Variants in MTERF4 observed in about 807,000 individuals in gnomAD.
The protein encoded by MTERF4 is transcription termination factor 4, mitochondrial.
Under a neutral mutation model 22.5 loss-of-function variants are expected in MTERF4, and 17 were observed. The observed-to-expected ratio is 0.75, with a 90% CI of 0.52 to 1.13. The LOEUF (loss-of-function observed/expected upper bound fraction) is 1.13. Ranked by LOEUF, MTERF4 falls within the 50% of genes most tolerant of loss-of-function variation. The pLI is 0.00. For missense variants in MTERF4, 420 were observed against 466.8 expected, an observed-to-expected ratio of 0.90 and a Z score of 0.92; for synonymous variants, 165 against 175.3, an observed-to-expected ratio of 0.94 and a Z score of 0.47.
At chr2:241,083,139 G>A (rs186460132), downstream of MTERF4, among the ~76,000 whole-genome samples, 40 of 152,346 alleles carry the variant, frequency 2.6e-4, 1 homozygote, top group African/African-American at 7.7e-4. Context: ...ATGACAGGAC[G>A]AGACCAGGAG....
the MTERF4 span, chr2:241,050,188 G>A: frequency 1.8e-6 from 1 of 551,358 alleles, no homozygotes. Flanking sequence ...TGCCTGCTCA[G>A]CATTTTTCCA....
chr2:241,044,804 T>C, the MTERF4 span, among the ~76,000 whole-genome samples: 2 of 152,184 alleles, frequency 1.3e-5, no homozygotes, highest in Non-Finnish European at 2.9e-5. Context: ...TTTTTCCCTT[T>C]GTCTGTCATC....
At chr2:241,067,616 C>G (rs774794428), downstream of MTERF4, 16 of 604,660 alleles carry the variant, frequency 2.6e-5, no homozygotes, top group East Asian at 4.5e-4. Context: ...CCACTCAGCC[C>G]GAGTTCCCTG....
At chr2:241,081,106 G>C (rs1238120895) in intron 4 of MTERF4, among the ~76,000 whole-genome samples, 5 of 152,234 alleles carry the variant, frequency 3.3e-5, no homozygotes, top group Non-Finnish European at 7.3e-5. Context: ...CACATCACAG[G>C]CCGCCTGGGC....
At chr2:241,070,128 C>T (rs779021075), downstream of MTERF4, 2 of 1,612,356 alleles carry the variant, frequency 1.2e-6, no homozygotes, top group Non-Finnish European at 1.7e-6. Flanking sequence ...GGTACCAGCT[C>T]TCTGTGATAG....
chr2:241,069,286 C>T (rs373404861), downstream of MTERF4, among the ~76,000 whole-genome samples: 3 of 152,280 alleles, frequency 2.0e-5, no homozygotes, highest in South Asian at 2.1e-4. This position sits in a 1 kb window ranked among gnomAD's most constrained non-coding sequence, Gnocchi z 4.9. Context: ...TACTGGACAC[C>T]GACCAGAGGG....
At chr2:241,050,408 G>A in the MTERF4 span, among the ~76,000 whole-genome samples, 1 of 152,066 alleles carries the variant, frequency 6.6e-6, no homozygotes, top group Non-Finnish European at 1.5e-5. Context: ...GCAACAGTCA[G>A]GACTCCCATC....
chr2:241,063,279 G>A, the MTERF4 span: 2,663 of 494,314 alleles, frequency 5.4e-3, 13 homozygotes, highest in Non-Finnish European at 7.0e-3. Flanking sequence ...CCTGAGAAAC[G>A]CAGGCTCCAG....
chr2:241,096,981 T>C lies in MTERF4; in HGVS notation c.705+262A>G, dbSNP rs903033936. On this transcript the variant is annotated intron_variant, in intron 3 of 3. Transcript: ENST00000391980. The surrounding 1 kb of genome is among the most constrained non-coding windows in gnomAD (Gnocchi z 5.1). ...AATGGCAGAAAAGTTGAAGAATAGGTTTGATCTGTAGTAAAGAAATTAAAG... is the reference window on the plus strand; with the variant it reads ...AATGGCAGAAAAGTTGAAGAATAGGCTTGATCTGTAGTAAAGAAATTAAAG... The C allele has an allele frequency of 1.7e-6, 1 of 590,896 alleles. No homozygotes were observed. The allele number at this position is 590,896 out of a possible 1,614,324, so 36.6% of individuals were successfully genotyped here. A position where few individuals can be genotyped will look rare whatever the true frequency, so the allele number is the denominator to read the frequency against.
chr2:241,101,273 G>GGAGC, intron 1 of MTERF4: 1 of 439,750 alleles, frequency 2.3e-6, no homozygotes, highest in East Asian at 7.3e-5. Context: ...ATTCTCATAA[G>GGAGC]GAGCGCAACC....
At chr2:241,087,371 A>G, downstream of MTERF4, 1 of 1,577,394 alleles carries the variant, frequency 6.3e-7, no homozygotes, top group Non-Finnish European at 8.6e-7. Context: ...CTGGTTTTAC[A>G]AAGCTTTCTT....
the MTERF4 span, among the ~76,000 whole-genome samples, chr2:241,042,642 G>A: frequency 6.6e-6 from 1 of 151,800 alleles, no homozygotes. Context: ...AATCAAGATT[G>A]TTGAGGGGAA....
downstream of MTERF4, chr2:241,071,888 A>AG (rs1455348194): frequency 1.9e-6 from 3 of 1,591,210 alleles, no homozygotes; most frequent in African/African-American, 1.3e-5. Flanking sequence ...CGTGAGTGCC[A>AG]GGGCCTCCCC....
chr2:241,050,232 T>C, the MTERF4 span, among the ~76,000 whole-genome samples: 2 of 152,252 alleles, frequency 1.3e-5, no homozygotes, highest in African/African-American at 4.8e-5. Context: ...CAAATTTTAT[T>C]TTTAAAATTT....
intron 4 of MTERF4, among the ~76,000 whole-genome samples, chr2:241,080,473 C>T (rs938812364): frequency 2.0e-5 from 3 of 152,118 alleles, no homozygotes; most frequent in East Asian, 1.9e-4. Context: ...CTCTAGATCT[C>T]GTTCTCACCA....
the MTERF4 span, among the ~76,000 whole-genome samples, chr2:241,053,935 G>A: frequency 4.6e-5 from 7 of 152,236 alleles, no homozygotes; most frequent in Non-Finnish European, 8.8e-5. Flanking sequence ...TCTGTGTGAT[G>A]TGAGCTAGTT....
chr2:241,101,714 G>A (rs1463230211), intron 1 of MTERF4, among the ~76,000 whole-genome samples: 1 of 152,216 alleles, frequency 6.6e-6, no homozygotes, highest in Admixed American at 6.5e-5. Flanking sequence ...TCCTCTTAAT[G>A]AAAAGTACAT....
the MTERF4 span, chr2:241,050,026 T>C: frequency 1.1e-6 from 1 of 946,222 alleles, no homozygotes; most frequent in Non-Finnish European, 1.7e-6. Context: ...TCTCCTTGTT[T>C]CGCGAATTGC....
chr2:241,084,264 G>A (rs1350513536), downstream of MTERF4, among the ~76,000 whole-genome samples: 1 of 151,344 alleles, frequency 6.6e-6, no homozygotes, highest in South Asian at 2.1e-4. Context: ...AGCCCCCCGA[G>A]TAGCTGGGAT....
Sources: allele counts gnomAD v4.1 joint callset (sites outside exome capture counted in the v4.1 genomes callset), GRCh38; gene constraint gnomAD v4.1.1; non-coding constraint Gnocchi (gnomAD v3.1); transcripts MANE v1.5; gene names NCBI Gene and HGNC (gene_info 2026-07-23, HGNC 2026-07-21).